Variants in MAF observed in about 807,000 individuals in gnomAD.
MAF encodes the protein transcription factor Maf.
MAF carries 10 observed loss-of-function variants against 22.0 expected under a neutral mutation model. That is an observed-to-expected ratio of 0.45 (90% CI 0.28 to 0.77). MAF has a LOEUF of 0.77. Among genes scored for constraint, MAF ranks in the 30% least tolerant of loss-of-function variants. The pLI, the probability that MAF is intolerant of heterozygous loss-of-function variation, is 0.12. For missense variants in MAF, 544 were observed against 548.4 expected (o/e 0.99, Z 0.08); for synonymous variants, 337 against 255.8 (o/e 1.32, Z -3.03).
the MAF span, among the ~76,000 whole-genome samples, chr16:79,226,770 C>T: frequency 5.3e-5 from 8 of 151,998 alleles, no homozygotes; most frequent in Non-Finnish European, 1.0e-4. Context: ...TAAAGGTATG[C>T]TCTAATAGTT....
the MAF span, among the ~76,000 whole-genome samples, chr16:79,304,297 A>G: frequency 6.6e-6 from 1 of 152,202 alleles, no homozygotes; most frequent in Non-Finnish European, 1.5e-5. Context: ...CCCTCCAGTG[A>G]GAAATGCTGA....
At chr16:79,279,631 A>G in the MAF span, among the ~76,000 whole-genome samples, 1 of 152,116 alleles carries the variant, frequency 6.6e-6, no homozygotes, top group Admixed American at 6.5e-5. Context: ...CTCAGATCTG[A>G]CTGTACTAAA....
the MAF span, among the ~76,000 whole-genome samples, chr16:79,281,735 C>T: frequency 1.5e-4 from 23 of 151,986 alleles, no homozygotes; most frequent in Admixed American, 2.6e-4. Flanking sequence ...TTAGTAGAGA[C>T]GGGGTTTGAC....
the MAF span, among the ~76,000 whole-genome samples, chr16:79,253,519 GC>G: frequency 6.6e-6 from 1 of 152,104 alleles, no homozygotes; most frequent in Admixed American, 6.5e-5. Context: ...TTTAGTATGT[GC>G]TGCCGAAGCT....
At chr16:79,212,066 T>G in the MAF span, 1 of 1,536,388 alleles carries the variant, frequency 6.5e-7, no homozygotes, top group African/African-American at 1.4e-5. Flanking sequence ...CTGCTTGGTG[T>G]GTAGGTTCCG....
At chr16:79,446,745 T>A in the MAF span, among the ~76,000 whole-genome samples, 1 of 91,368 alleles carries the variant, frequency 1.1e-5, no homozygotes, top group Non-Finnish European at 3.1e-5. Context: ...GACACCCATC[T>A]CTAAAAAAAA....
the MAF span, among the ~76,000 whole-genome samples, chr16:79,278,652 G>A: frequency 1.3e-5 from 2 of 152,008 alleles, no homozygotes; most frequent in East Asian, 1.9e-4. Context: ...CTTGAGTGCC[G>A]GGTTTGGGGT....
At chr16:79,555,569 T>C in the MAF span, among the ~76,000 whole-genome samples, 1,385 of 152,296 alleles carry the variant, frequency 9.1e-3, 22 homozygotes, top group African/African-American at 0.032. Flanking sequence ...ACCACACTAA[T>C]ACAGGTCGGG....
downstream of MAF, among the ~76,000 whole-genome samples, chr16:79,585,154 G>T (rs1439835103): frequency 6.6e-6 from 1 of 152,168 alleles, no homozygotes; most frequent in Non-Finnish European, 1.5e-5. Context: ...AAGAATGTTG[G>T]TCTAGTTTTC....
chr16:79,398,566 G>A, the MAF span, among the ~76,000 whole-genome samples: 1 of 152,114 alleles, frequency 6.6e-6, no homozygotes, highest in Non-Finnish European at 1.5e-5. Flanking sequence ...GAGTATCCTA[G>A]AGATAGAAGT....
At chr16:79,502,712 T>TATATATATAA in the MAF span, among the ~76,000 whole-genome samples, 2 of 31,124 alleles carry the variant, frequency 6.4e-5, no homozygotes, top group African/African-American at 2.8e-4. Context: ...AATATAAATA[T>TATATATATAA]ATATATATAT....
chr16:79,444,169 C>T, the MAF span, among the ~76,000 whole-genome samples: 2 of 151,936 alleles, frequency 1.3e-5, no homozygotes, highest in Non-Finnish European at 2.9e-5. Context: ...TAACATTCCT[C>T]TATTATTATC....
At chr16:79,338,035 G>GA in the MAF span, among the ~76,000 whole-genome samples, 4 of 152,132 alleles carry the variant, frequency 2.6e-5, no homozygotes, top group Non-Finnish European at 5.9e-5. Context: ...AAATAAATAG[G>GA]ACGAGTCCCT....
chr16:79,373,763 C>G, the MAF span, among the ~76,000 whole-genome samples: 1 of 152,148 alleles, frequency 6.6e-6, no homozygotes, highest in African/African-American at 2.4e-5. Context: ...GCCCCAGACT[C>G]TGCAAAGTCC....
the MAF span, among the ~76,000 whole-genome samples, chr16:79,362,623 T>G: frequency 3.3e-5 from 5 of 152,328 alleles, no homozygotes; most frequent in East Asian, 7.7e-4. Flanking sequence ...CGGAATATTC[T>G]GAAAGACTTG....
chr16:79,534,728 A>C, the MAF span, among the ~76,000 whole-genome samples: 10 of 152,298 alleles, frequency 6.6e-5, no homozygotes, highest in African/African-American at 2.4e-4. Flanking sequence ...CTAGAACTTA[A>C]AGTATAATTT....
At chr16:79,316,327 T>C in the MAF span, among the ~76,000 whole-genome samples, 1 of 152,152 alleles carries the variant, frequency 6.6e-6, no homozygotes, top group African/African-American at 2.4e-5. Context: ...TCTAGATGCA[T>C]CTCTCCGCAG....
chr16:79,402,923 G>A, the MAF span, among the ~76,000 whole-genome samples: 13 of 152,172 alleles, frequency 8.5e-5, no homozygotes, highest in African/African-American at 1.2e-4. Context: ...GTTGAGCTGG[G>A]CACATGTGGA....
At chr16:79,203,832 G>T in the MAF span, 2 of 152,224 alleles carry the variant, frequency 1.3e-5, no homozygotes, top group East Asian at 3.9e-4. Context: ...TGTAGATGGC[G>T]AATACAGATG....
Sources: allele counts gnomAD v4.1 joint callset (sites outside exome capture counted in the v4.1 genomes callset), GRCh38; gene constraint gnomAD v4.1.1; transcripts MANE v1.5; gene names NCBI Gene and HGNC (gene_info 2026-07-23, HGNC 2026-07-21).